PRR11: variants seen among roughly 807,000 people sequenced by gnomAD.
PRR11 encodes proline rich 11, also known as proline-rich protein 11.
PRR11 carries 30 observed loss-of-function variants against 45.6 expected under a neutral mutation model. The ratio of observed to expected loss-of-function variants is 0.66; its 90% CI spans 0.49 to 0.89. PRR11 has a LOEUF of 0.89. Among genes scored for constraint, PRR11 ranks in the 40% least tolerant of loss-of-function variants. PRR11 has a pLI of 0.00. For synonymous variants in PRR11, 128 were observed against 153.5 expected (o/e 0.83, Z 1.23); for missense variants, 373 against 424.8 (o/e 0.88, Z 1.07).
In PRR11 at chr17:59,173,365, G is replaced by C. The variant is rs2046721761; in HGVS notation, c.128+3485G>C. Among the ~76,000 whole-genome samples the C allele has an allele frequency of 2.6e-5, 4 of 152,198 alleles. No homozygotes were observed. The South Asian group carries it at 8.3e-4, about 31-fold the overall frequency. ...CAGTGGGGGCCACTTTCACGCTGTGGAAGGTTTGTTCTTTGGCACTTTGCA... is the reference window on the plus strand; with the variant it reads ...CAGTGGGGGCCACTTTCACGCTGTGCAAGGTTTGTTCTTTGGCACTTTGCA... On this transcript the variant is annotated intron_variant, in intron 2 of 9. Coordinates refer to ENST00000262293, the MANE Select transcript of PRR11 (RefSeq NM_018304.4).
chr17:59,194,395 T>C (rs1296346877), intron 5 of PRR11, among the ~76,000 whole-genome samples: 1 of 152,118 alleles, frequency 6.6e-6, no homozygotes, highest in Non-Finnish European at 1.5e-5. Flanking sequence ...GAGTCATCTT[T>C]CTAGGTAATT....
intron 2 of PRR11, among the ~76,000 whole-genome samples, chr17:59,182,770 C>T (rs1283072024): frequency 6.6e-6 from 1 of 152,140 alleles, no homozygotes; most frequent in Non-Finnish European, 1.5e-5. Context: ...GACACTTCAT[C>T]ATCCACCACC....
Position 59,185,449 on chromosome 17 carries a change from G to T in PRR11, c.289G>T (p.Val97Leu). The T allele has an allele frequency of 6.3e-7, 1 of 1,599,252 alleles. No individual in the cohort carries two copies. Residue 97 changes from valine to leucine, a missense_variant, in exon 4 of 10, where the codon GTA becomes TTA. Val to Leu is a conservative substitution (Grantham distance 32). Coordinates refer to ENST00000262293, the MANE Select transcript of PRR11 (RefSeq NM_018304.4). Reference protein sequence around the residue: ...CQNCITQSLEVLKDTIFPSRI... With the variant: ...CQNCITQSLELLKDTIFPSRI... ...TTATTATTAATTTCAGAGTTTAGAA[G>T]TATTGAAAGACACCATCTTTCCATC...
chr17:59,172,664 G>A (rs144190281), intron 2 of PRR11, among the ~76,000 whole-genome samples: 19 of 152,328 alleles, frequency 1.2e-4, no homozygotes, highest in African/African-American at 4.1e-4. Context: ...CTTAGCAACC[G>A]GACCAGCAGC....
rs758180578 is a variant in PRR11 at position 59,197,598 on chromosome 17, A to G, written c.912A>G (p.Val304=). The change falls in exon 8 of 10, where the codon GTA becomes GTG. Residue 304 remains valine (V), a synonymous_variant. Transcript: ENST00000262293. ...GGAAACTGCTTAGAAAAGTCGATGT[A>G]GAGAGGTAATACACTCTCATATCTT... ...DLRKLLRKVD[V]ERSPGGTPLT... 16 of 1,613,518 alleles carry G rather than the reference A, an allele frequency of 9.9e-6. No individual in the cohort carries two copies. The highest frequency in any genetic ancestry group is 1.6e-4 in the Middle Eastern group (1 of 6,062).
chr17:59,179,652 G>A, intron 2 of PRR11: 2 of 1,501,982 alleles, frequency 1.3e-6, no homozygotes, highest in South Asian at 2.2e-5. Flanking sequence ...CTCCTACCAA[G>A]CAGCCTGTTG....
intron 2 of PRR11, among the ~76,000 whole-genome samples, chr17:59,180,764 C>T (rs1329538532): frequency 1.3e-5 from 2 of 151,632 alleles, no homozygotes; most frequent in Non-Finnish European, 2.9e-5. Flanking sequence ...CCTCAGCCTC[C>T]CAAAGTGCTG....
chr17:59,176,976 C>T (rs915699668), intron 2 of PRR11, among the ~76,000 whole-genome samples: 3 of 152,016 alleles, frequency 2.0e-5, no homozygotes, highest in African/African-American at 7.2e-5. Context: ...GGATTATAGG[C>T]GTGAGCCACC....
At position 59,185,098 on chromosome 17, in the gene PRR11, T is replaced by G; in HGVS notation, c.173T>G (p.Leu58Arg). The G allele has an allele frequency of 6.2e-7, 1 of 1,613,662 alleles. No homozygotes were observed. The highest frequency in any genetic ancestry group is 8.5e-7 in the Non-Finnish European group (1 of 1,179,608). ...SIDISQSRSW[L>R]TSSWNFNFPN... The stretch of plus-strand genomic sequence containing the variant: ...GATATATCTCAAAGCAGAAGCTGGC[T>G]AACATCATCCTGGAACTTCAATTTT... Residue 58 changes from leucine to arginine, a missense_variant, in exon 3 of 10, where the codon CTA (leucine) becomes CGA (arginine). Physicochemically the swap from Leu to Arg is moderately radical, Grantham distance 102. Transcript: ENST00000262293.
In PRR11 at chr17:59,177,036, G is replaced by A. The variant is rs1038720772; in HGVS notation, c.128+7156G>A. On this transcript the variant is annotated intron_variant, in intron 2 of 9. Transcript: ENST00000262293. ...GAAACAGCAGTCTAAAAACAAGATA[G>A]TATAATCCTCTTTTTTGTACACAGA... The A allele has an allele frequency of 9.2e-6, 4 of 435,042 alleles. No homozygotes were observed. The Admixed American group carries it at 1.2e-4, about 13-fold the overall frequency. The allele number at this position is 435,042 out of a possible 1,614,324, so 26.9% of individuals were successfully genotyped here.
At chr17:59,194,353 CTGAT>C (rs1209967001) in intron 5 of PRR11, among the ~76,000 whole-genome samples, 1 of 151,736 alleles carries the variant, frequency 6.6e-6, no homozygotes, top group Non-Finnish European at 1.5e-5. Flanking sequence ...TTATACCTCT[CTGAT>C]TGTATACATT....
chr17:59,156,923 G>T (rs889295028), intron 1 of PRR11, among the ~76,000 whole-genome samples: 1 of 152,158 alleles, frequency 6.6e-6, no homozygotes, highest in Non-Finnish European at 1.5e-5. Context: ...CACCACGCTC[G>T]GCCGCAAAGA....
intron 4 of PRR11, among the ~76,000 whole-genome samples, chr17:59,190,362 T>C (rs9905996): frequency 0.44 from 66,885 of 151,652 alleles, 16,806 homozygotes; most frequent in African/African-American, 0.7. Flanking sequence ...ATCCCAGCTA[T>C]TCGGGAGGCT....
At chr17:59,200,010 G>T (rs1372951942) in intron 9 of PRR11, among the ~76,000 whole-genome samples, 3 of 152,146 alleles carry the variant, frequency 2.0e-5, no homozygotes, top group Non-Finnish European at 4.4e-5. Flanking sequence ...TGTTGTCACT[G>T]CCCCTACTTC....
chr17:59,174,318 C>A (rs2046730054), intron 2 of PRR11, among the ~76,000 whole-genome samples: 2 of 152,334 alleles, frequency 1.3e-5, no homozygotes, highest in South Asian at 4.1e-4. Context: ...AACCCTGAGT[C>A]CAGAAGCCTA....
chr17:59,172,757 C>T (rs1446115218), intron 2 of PRR11, among the ~76,000 whole-genome samples: 3 of 152,352 alleles, frequency 2.0e-5, no homozygotes, highest in East Asian at 3.9e-4. Context: ...GCTGCCTCCC[C>T]GTGGGGCAGG....
intron 4 of PRR11, among the ~76,000 whole-genome samples, chr17:59,187,062 T>C (rs1468202349): frequency 6.6e-6 from 1 of 152,058 alleles, no homozygotes; most frequent in East Asian, 1.9e-4. Flanking sequence ...CAGTGACTCA[T>C]GCCTATAATC....
At chr17:59,174,267 C>G (rs998213430) in intron 2 of PRR11, among the ~76,000 whole-genome samples, 2 of 152,168 alleles carry the variant, frequency 1.3e-5, no homozygotes, top group Admixed American at 1.3e-4. Context: ...GAGCTAAACT[C>G]GTAACCATGC....
chr17:59,178,316 A>G (rs938919226), intron 2 of PRR11, among the ~76,000 whole-genome samples: 2 of 152,176 alleles, frequency 1.3e-5, no homozygotes, highest in Non-Finnish European at 1.5e-5. Context: ...CCTGGGCAAC[A>G]GAGCGAGACT....
Sources: allele counts gnomAD v4.1 joint callset (sites outside exome capture counted in the v4.1 genomes callset), GRCh38; gene constraint gnomAD v4.1.1; transcripts MANE v1.5; gene names NCBI Gene and HGNC (gene_info 2026-07-23, HGNC 2026-07-21).